The following AGBL1 variants were observed in gnomAD, a reference collection of about 807,000 sequenced individuals.
AGBL1 encodes cytosolic carboxypeptidase 4.
AGBL1 carries 130 observed loss-of-function variants against 118.9 expected under a neutral mutation model. The observed-to-expected ratio is 1.09, with a 90% CI of 0.95 to 1.26. AGBL1 has a LOEUF of 1.26. Ranked by LOEUF, AGBL1 falls within the 50% of genes most tolerant of loss-of-function variation. The pLI, the probability that AGBL1 is intolerant of heterozygous loss-of-function variation, is 0.00. For synonymous variants in AGBL1, 555 were observed against 478.9 expected (o/e 1.16, Z -2.08); for missense variants, 1,584 against 1,298.1 (o/e 1.22, Z -3.38).
intron 18 of AGBL1, among the ~76,000 whole-genome samples, chr15:86,486,723 C>T (rs1033291149): frequency 1.3e-5 from 2 of 152,074 alleles, no homozygotes; most frequent in African/African-American, 2.4e-5. Context: ...TTGACCAATA[C>T]AGTGAATCTC....
At chr15:86,719,748 A>G (rs2086688962) in intron 22 of AGBL1, among the ~76,000 whole-genome samples, 1 of 152,230 alleles carries the variant, frequency 6.6e-6, no homozygotes, top group Admixed American at 6.5e-5. Flanking sequence ...TACCAACACT[A>G]AAATGTATCA....
chr15:86,517,796 T>C (rs1416627726), intron 18 of AGBL1, among the ~76,000 whole-genome samples: 1 of 149,286 alleles, frequency 6.7e-6, no homozygotes, highest in East Asian at 1.9e-4. Flanking sequence ...TTTGGTTTTT[T>C]CCTCTTTTTT....
rs777848085 is a variant in AGBL1, at chr15:86,271,625, A to G, written c.1994A>G (p.Gln665Arg). The change falls in exon 15 of 23, where the codon CAG becomes CGG. Residue 665 changes from glutamine (Q) to arginine (R), a missense_variant. Coordinates refer to ENST00000614907, the MANE Select transcript of AGBL1 (RefSeq NM_001386094.1). ...CCTTTCTGATTTTGTGTAGGGATGCAGCCCACCCTATATTCTGTGAAGGAG... is the reference window on the plus strand; with the variant it reads ...CCTTTCTGATTTTGTGTAGGGATGCGGCCCACCCTATATTCTGTGAAGGAG... ...KPNSQFNYGM[Q>R]PTLYSVKEAL... 48 of 1,610,496 alleles carry G rather than the reference A, an allele frequency of 3.0e-5. No homozygotes were observed. The South Asian group carries it at 5.1e-4, about 17-fold the overall frequency.
chr15:86,924,216 G>C (rs2080508497), intron 23 of AGBL1, among the ~76,000 whole-genome samples: 1 of 152,186 alleles, frequency 6.6e-6, no homozygotes. Context: ...CATCACGATA[G>C]ATTGGCTGGT....
chr15:86,841,315 T>A (rs968371840), intron 22 of AGBL1, among the ~76,000 whole-genome samples: 1 of 152,092 alleles, frequency 6.6e-6, no homozygotes. Flanking sequence ...AGAGAGGAGA[T>A]GGAGTATAAG....
intron 21 of AGBL1, among the ~76,000 whole-genome samples, chr15:86,579,588 G>A (rs2084145463): frequency 6.6e-6 from 1 of 152,058 alleles, no homozygotes; most frequent in Non-Finnish European, 1.5e-5. Flanking sequence ...GTAAGCAATG[G>A]TCAGAAAAAA....
At chr15:86,955,845 G>A (rs531236938) in intron 23 of AGBL1, among the ~76,000 whole-genome samples, 5 of 152,074 alleles carry the variant, frequency 3.3e-5, no homozygotes, top group East Asian at 3.9e-4. Context: ...TAGGAGATAC[G>A]ACTTTATATC....
intron 24 of AGBL1, among the ~76,000 whole-genome samples, chr15:86,991,231 G>T (rs1229481897): frequency 6.6e-6 from 1 of 151,928 alleles, no homozygotes; most frequent in African/African-American, 2.4e-5. Flanking sequence ...TTTATTTTTT[G>T]TTCATTTGTT....
At chr15:86,158,274 T>G (rs2077219427) in intron 4 of AGBL1, among the ~76,000 whole-genome samples, 1 of 152,224 alleles carries the variant, frequency 6.6e-6, no homozygotes. Flanking sequence ...TAGCTTCCTT[T>G]CCTGAGGGTT....
intron 22 of AGBL1, among the ~76,000 whole-genome samples, chr15:86,721,604 G>A (rs2142722367): frequency 1.3e-5 from 2 of 152,346 alleles, no homozygotes; most frequent in East Asian, 3.9e-4. Flanking sequence ...ACAAGACAGG[G>A]ATGCCCTCTC....
intron 22 of AGBL1, among the ~76,000 whole-genome samples, chr15:86,861,608 A>T (rs1317918882): frequency 6.6e-6 from 1 of 152,178 alleles, no homozygotes; most frequent in Non-Finnish European, 1.5e-5. Context: ...CAATTGCATA[A>T]TGATGTTATC....
At chr15:86,609,588 T>C (rs1056624059) in intron 21 of AGBL1, among the ~76,000 whole-genome samples, 2 of 152,178 alleles carry the variant, frequency 1.3e-5, no homozygotes, top group African/African-American at 4.8e-5. Context: ...AACTCAATCA[T>C]AGGACACATT....
chr15:86,976,163 TTTAC>T (rs1420356442), intron 23 of AGBL1, among the ~76,000 whole-genome samples: 1 of 150,664 alleles, frequency 6.6e-6, no homozygotes, highest in Non-Finnish European at 1.5e-5. Context: ...TATTTATGAT[TTTAC>T]TTATTTATGT....
At chr15:86,288,397 T>C (rs1414128202) in intron 16 of AGBL1, among the ~76,000 whole-genome samples, 1 of 152,174 alleles carries the variant, frequency 6.6e-6, no homozygotes, top group Non-Finnish European at 1.5e-5. Context: ...CCCAGATGTC[T>C]ACTTCTTATA....
intron 17 of AGBL1, among the ~76,000 whole-genome samples, chr15:86,382,155 G>A (rs1361607474): frequency 2.0e-5 from 3 of 149,902 alleles, no homozygotes; most frequent in Admixed American, 6.7e-5. Context: ...CCAGGGGATG[G>A]GGGGCAGGGG....
intron 5 of AGBL1, among the ~76,000 whole-genome samples, chr15:86,193,306 G>A (rs1244040134): frequency 1.3e-5 from 2 of 152,160 alleles, no homozygotes; most frequent in African/African-American, 2.4e-5. Context: ...TAGAGTACAG[G>A]CACAAAGATG....
chr15:86,270,006 G>T lies in AGBL1; in HGVS notation c.1926G>T (p.Ala642=), dbSNP rs755553306. ...ATTTCAAAGTGAGCGGTATGCAGGCGGCCATCCCTTACCACTTCAACATCA... is the reference window on the plus strand; with the variant it reads ...ATTTCAAAGTGAGCGGTATGCAGGCTGCCATCCCTTACCACTTCAACATCA... The part of the protein sequence containing the change: ...WFYFKVSGMQ[A]AIPYHFNIIN... Residue 642 remains alanine, a synonymous_variant, in exon 14 of 23, where the codon GCG becomes GCT. Transcript: ENST00000614907. The T allele has an allele frequency of 6.2e-7, 1 of 1,613,488 alleles. No homozygotes were observed. The highest frequency in any genetic ancestry group is 1.3e-5 in the African/African-American group (1 of 75,038).
intron 17 of AGBL1, among the ~76,000 whole-genome samples, chr15:86,309,767 C>T (rs185932880): frequency 7.9e-5 from 12 of 152,248 alleles, no homozygotes; most frequent in Admixed American, 6.5e-4. Context: ...TCCTTGCAGC[C>T]TAGAGATAAA....
At chr15:86,778,643 C>T (rs1212365503) in intron 22 of AGBL1, among the ~76,000 whole-genome samples, 1 of 152,200 alleles carries the variant, frequency 6.6e-6, no homozygotes, top group Non-Finnish European at 1.5e-5. Context: ...AAGGTTATCT[C>T]TCTTGCTCCC....
Sources: gnomAD v4.1 joint callset for allele counts (sites outside exome capture counted in the v4.1 genomes callset) on GRCh38, gnomAD v4.1.1 for gene constraint, MANE v1.5 for transcripts, NCBI Gene and HGNC (gene_info 2026-07-23, HGNC 2026-07-21) for gene names.